The following SBF1 variants were observed in gnomAD, a reference collection of about 807,000 sequenced individuals.
SBF1 encodes the protein myotubularin-related protein 5.
Under a neutral mutation model 215.8 loss-of-function variants are expected in SBF1, and 65 were observed. The observed-to-expected ratio is 0.30, with a 90% CI of 0.25 to 0.37. SBF1 has a LOEUF of 0.37. Ranked by LOEUF, SBF1 falls within the 10% of genes least tolerant of loss-of-function variation. SBF1 has a pLI of 1.00. For missense variants in SBF1, 2,634 were observed against 2,667.8 expected (o/e 0.99, Z 0.28); for synonymous variants, 1,410 against 1,122.8 (o/e 1.26, Z -5.11).
rs532791255 is a variant in SBF1 at position 50,447,685 on chromosome 22, C to T, written c.5364-76G>A. The T allele has an allele frequency of 5.9e-5, 63 of 1,075,308 alleles. 1 individual carries two copies. The highest frequency in any genetic ancestry group is 4.5e-4 in the South Asian group (33 of 73,186). 66.6% of individuals were successfully genotyped at this position (1,075,308 alleles called of 1,614,324 possible). On this transcript the variant is annotated intron_variant, in intron 38 of 40. Transcript: ENST00000380817. ...GCCCAGGCCCCAGCAGTCGTCCCCC[C>T]CTTGCTGTCCCAGCCCAGGAGGTAA...
chr22:50,470,616 G>A (rs949217898), intron 1 of SBF1, among the ~76,000 whole-genome samples: 1 of 152,122 alleles, frequency 6.6e-6, no homozygotes, highest in Non-Finnish European at 1.5e-5. Context: ...GCCCCAGCCT[G>A]GGGCCTACAG....
chr22:50,456,482 C>A lies in SBF1; in HGVS notation c.4086+10G>T. On this transcript the variant is annotated intron_variant, in intron 30 of 40. Coordinates refer to ENST00000380817, the MANE Select transcript of SBF1 (RefSeq NM_002972.4). Reference sequence around the variant, plus strand: ...CCACCCTCACCCCCCACCCCCCGCACCCCAGTCACCTTGAGCTGGGCTTTG... The same window carrying A: ...CCACCCTCACCCCCCACCCCCCGCAACCCAGTCACCTTGAGCTGGGCTTTG... 1 of 1,525,878 alleles carries A rather than the reference C, an allele frequency of 6.6e-7. No individual in the cohort carries two copies. The highest frequency in any genetic ancestry group is 8.8e-7 in the Non-Finnish European group (1 of 1,134,960). The allele number at this position is 1,525,878 out of a possible 1,614,324, so 94.5% of individuals were successfully genotyped here. A position where few individuals can be genotyped will look rare whatever the true frequency, so the allele number is the denominator to read the frequency against.
Position 50,454,633 on chromosome 22 carries a change from G to A in SBF1, c.4922C>T (p.Pro1641Leu). 6.3e-7 allele frequency: 1 copy of A among 1,599,166 alleles called. No homozygotes were observed. Among genetic ancestry groups the A allele is most frequent in the Non-Finnish European group, 8.5e-7 (1 of 1,172,472 alleles). ...PYDWELAQGP[P>L]EPPEEERSDG... is the part of the protein sequence containing the mutation. ...AGACCGTTCTTCCTCTGGGGGTTCA[G>A]GGGGCCCCTGGGCCAGTTCCCAGTC... Residue 1641 changes from proline to leucine, a missense_variant, in exon 36 of 41, where the codon CCT becomes CTT. Coordinates refer to ENST00000380817, the MANE Select transcript of SBF1 (RefSeq NM_002972.4).
At chr22:50,468,194 A>G (rs559360570) in intron 2 of SBF1, among the ~76,000 whole-genome samples, 182 bp downstream of exon 2, 2 of 152,196 alleles carry the variant, frequency 1.3e-5, no homozygotes, top group Non-Finnish European at 2.9e-5. Context: ...ACACAGTGAC[A>G]TGAGCACCGC....
At position 50,464,515 on chromosome 22, in the gene SBF1, C is replaced by T; in HGVS notation, c.1636+19G>A. ...CTGGGCCACGCTCGGGGCCTGCCTTCCCCTCCCTCATTACGCACTCATGGG... is the reference window on the plus strand; with the variant it reads ...CTGGGCCACGCTCGGGGCCTGCCTTTCCCTCCCTCATTACGCACTCATGGG... On this transcript the variant is annotated intron_variant, in intron 14 of 40. Transcript: ENST00000380817. 2.5e-6 allele frequency: 4 copies of T among 1,604,040 alleles called. No individual in the cohort carries two copies. Among genetic ancestry groups the T allele is most frequent in the Non-Finnish European group, 3.4e-6 (4 of 1,173,522 alleles).
intron 22 of SBF1, 115 bp from the exon 23 acceptor site, chr22:50,461,401 A>C (rs938605475): frequency 6.7e-7 from 1 of 1,497,472 alleles, no homozygotes; most frequent in African/African-American, 1.4e-5. Flanking sequence ...GAGCAGACAA[A>C]GGCCCGTTTC....
Position 50,454,529 on chromosome 22 carries a change from T to C in SBF1, c.5026A>G (p.Ile1676Val), listed in dbSNP as rs2067170382. ...ACACGCACCTCCAGCAGGCGTGAGATGGCGTCAGGCTGGGCCCGCGGGCAG... is the reference window on the plus strand; with the variant it reads ...ACACGCACCTCCAGCAGGCGTGAGACGGCGTCAGGCTGGGCCCGCGGGCAG... ...DSCPRAQPDAISRLLEELQRL... is the reference protein window; with the variant it reads ...DSCPRAQPDAVSRLLEELQRL... Residue 1676 changes from isoleucine to valine, a missense_variant, in exon 36 of 41, where the codon ATC (isoleucine) becomes GTC (valine). By Grantham distance (29) the Ile-to-Val change is conservative (BLOSUM62 3). Transcript: ENST00000380817. 6.2e-7 allele frequency: 1 copy of C among 1,609,932 alleles called. No homozygotes were observed. Among genetic ancestry groups the C allele is most frequent in the Non-Finnish European group, 8.5e-7 (1 of 1,179,850 alleles).
chr22:50,453,496 T>C (rs1343003256), intron 36 of SBF1, among the ~76,000 whole-genome samples: 1 of 152,156 alleles, frequency 6.6e-6, no homozygotes, highest in African/African-American at 2.4e-5. Context: ...CTAAGATGCT[T>C]AGATAACTAG....
chr22:50,447,283 A>G (rs1404346872), intron 40 of SBF1, 39 bp downstream of exon 40: 15 of 1,613,236 alleles, frequency 9.3e-6, no homozygotes, highest in African/African-American at 1.3e-5. Flanking sequence ...CCCACACCGC[A>G]GAGCCCCTCC....
In SBF1 at chr22:50,459,158, C is replaced by T. The variant is rs1247271864; in HGVS notation, c.3826+97G>A. 12 of 1,466,248 alleles carry T rather than the reference C, an allele frequency of 8.2e-6. No individual in the cohort carries two copies. The South Asian group carries it at 8.3e-5, about 10-fold the overall frequency. The allele number at this position is 1,466,248 out of a possible 1,614,324, so 90.8% of individuals were successfully genotyped here. On this transcript the variant is annotated intron_variant, in intron 28 of 40. Coordinates refer to ENST00000380817, the MANE Select transcript of SBF1 (RefSeq NM_002972.4). ...ACACCCAAACATCCATGACCAGCGCCGTTTCTGCTCCTCCCTGGCCTGCCT... is the reference window on the plus strand; with the variant it reads ...ACACCCAAACATCCATGACCAGCGCTGTTTCTGCTCCTCCCTGGCCTGCCT...
chr22:50,447,291 T>A, intron 40 of SBF1, 31 bp downstream of exon 40: 1 of 1,612,856 alleles, frequency 6.2e-7, no homozygotes, highest in East Asian at 2.2e-5. Context: ...GCAGAGCCCC[T>A]CCCCTCTCCC....
chr22:50,459,883 G>A, intron 26 of SBF1, 69 bp downstream of exon 26: 1 of 1,547,660 alleles, frequency 6.5e-7, no homozygotes. Context: ...CGTGGCCCAG[G>A]CCCACAGCGG....
At chr22:50,454,428 A>G in intron 36 of SBF1, 84 bp downstream of exon 36, 2 of 1,191,910 alleles carry the variant, frequency 1.7e-6, no homozygotes, top group Non-Finnish European at 2.5e-6. Flanking sequence ...TGCATGTACG[A>G]GTGTACACAC....
At position 50,456,542 on chromosome 22, in the gene SBF1, G is replaced by C; in HGVS notation, c.4036C>G (p.Arg1346Gly). Residue 1346 changes from arginine to glycine, a missense_variant, in exon 30 of 41, where the codon CGT becomes GGT. Arg to Gly is a moderately radical substitution (Grantham distance 125). Coordinates refer to ENST00000380817, the MANE Select transcript of SBF1 (RefSeq NM_002972.4). ...NGGPPDPGFLRPQRAALYILG... is the reference protein window; with the variant it reads ...NGGPPDPGFLGPQRAALYILG... ...ATATAGAGGGCTGCTCGCTGCGGAC[G>C]CAGGAAGCCCGGGTCGGGAGGGCCC... 1.3e-6 allele frequency: 2 copies of C among 1,588,074 alleles called. No individual in the cohort carries two copies. Among genetic ancestry groups the C allele is most frequent in the Non-Finnish European group, 1.7e-6 (2 of 1,168,124 alleles).
rs778004319 is a variant in SBF1, at chr22:50,462,130, G to A, written c.2397-11C>T. ...ACACTGCCAGCCATGCTGGGCCAGA[G>A]AAGAAACTGTGGGCATGGGCCCTGC... On this transcript the variant is annotated splice_polypyrimidine_tract_variant and intron_variant, in intron 19 of 40. Coordinates refer to ENST00000380817, the MANE Select transcript of SBF1 (RefSeq NM_002972.4). 3.8e-5 allele frequency: 61 copies of A among 1,612,048 alleles called. No homozygotes were observed. The highest frequency in any genetic ancestry group is 1.0e-4 in the Admixed American group (6 of 60,008).
In SBF1 at chr22:50,467,425, G is replaced by A. The variant is rs1490579865; in HGVS notation, c.462C>T (p.Ala154=). Residue 154 remains alanine, a synonymous_variant, in exon 5 of 41, where the codon GCC becomes GCT. Transcript: ENST00000380817. ...ACACATTCAGGCCCTCCACGTGGATGGCATAGATGAGGCCAAGGCTGTTCT... is the reference window on the plus strand; with the variant it reads ...ACACATTCAGGCCCTCCACGTGGATAGCATAGATGAGGCCAAGGCTGTTCT... The part of the protein sequence containing the change: ...VFRNSLGLIY[A]IHVEGLNVCL... The A allele has an allele frequency of 6.2e-6, 10 of 1,614,076 alleles. No individual in the cohort carries two copies. The Admixed American group carries it at 8.3e-5, about 13-fold the overall frequency.
intron 31 of SBF1, chr22:50,455,801 A>T (rs1182012901): frequency 5.0e-6 from 3 of 594,662 alleles, no homozygotes; most frequent in Non-Finnish European, 9.0e-6. Context: ...CCCCCTTCCA[A>T]GCCCTCTAGG....
At chr22:50,456,470 C>T (rs767469629) in intron 30 of SBF1, 22 bp downstream of exon 30, 4 of 1,507,920 alleles carry the variant, frequency 2.7e-6, no homozygotes, top group South Asian at 1.3e-5. Flanking sequence ...CCCTCACCCC[C>T]CACCCCCCGC....
intron 36 of SBF1, 28 bp downstream of exon 36, chr22:50,454,484 C>T (rs1386227264): frequency 6.3e-7 from 1 of 1,589,732 alleles, no homozygotes; most frequent in East Asian, 2.2e-5. Context: ...GGGTGCCAGG[C>T]CAGACCCTGC....
Sources: gnomAD v4.1 joint callset for allele counts (sites outside exome capture counted in the v4.1 genomes callset) on GRCh38, gnomAD v4.1.1 for gene constraint, MANE v1.5 for transcripts, NCBI Gene and HGNC (gene_info 2026-07-23, HGNC 2026-07-21) for gene names.